Variants in MAGT1 observed in about 807,000 individuals in gnomAD.
The protein encoded by MAGT1 is magnesium transporter 1.
Under a neutral mutation model 28.4 loss-of-function variants are expected in MAGT1, and 4 were observed. The ratio of observed to expected loss-of-function variants is 0.14; its 90% confidence interval spans 0.07 to 0.32. The LOEUF (loss-of-function observed/expected upper bound fraction) is 0.32, where lower values mean the gene tolerates loss of function less well. Ranked by LOEUF, MAGT1 falls within the 10% of genes least tolerant of loss-of-function variation. The probability of loss-of-function intolerance (pLI) is 1.00; values close to 1 mark genes in which losing one functional copy is unlikely to be tolerated. For synonymous variants in MAGT1, 89 were observed against 89.7 expected, an observed-to-expected ratio of 0.99 and a Z score of 0.04; for missense variants, 193 against 264.5, an observed-to-expected ratio of 0.73 and a Z score of 1.88.
rs1307085137 is a variant in MAGT1, at chrX:77,865,983, CCT to C, written c.390+4823_390+4824del. On this transcript the variant is annotated intron_variant, in intron 3 of 9. Coordinates refer to ENST00000618282, the MANE Select transcript of MAGT1 (RefSeq NM_001367916.1). ...CCAGCCTGGCCAACATGGCGAAACCCCTGTCTCTACTAAAAATTAAAAAAAAT... is the reference window on the plus strand; with the variant it reads ...CCAGCCTGGCCAACATGGCGAAACCCGTCTCTACTAAAAATTAAAAAAAAT... Among the ~76,000 whole-genome samples, 8 of 65,197 alleles carry C rather than the reference CCT, an allele frequency of 1.2e-4. 3 individuals carry two copies. Among genetic ancestry groups the C allele is most frequent in the East Asian group, 4.8e-4 (1 of 2,080 alleles). 56.6% of individuals were successfully genotyped at this position (65,197 alleles called of 115,157 possible).
At chrX:77,849,964 C>T (rs1162554232) in intron 7 of MAGT1, among the ~76,000 whole-genome samples, 2 of 107,217 alleles carry the variant, frequency 1.9e-5, no homozygotes, top group Non-Finnish European at 3.8e-5. Context: ...ATAACTGCAA[C>T]ACTTAAAATG....
At position 77,825,885 on chromosome X, in the gene MAGT1, T is replaced by C. The variant is rs1557212877; in HGVS notation, c.*3335A>G. On this transcript the variant is annotated 3_prime_UTR_variant, in exon 10 of 10. Transcript: ENST00000618282. ...GAGGTTCAGGTGACACCTATGGTCA[T>C]ATAGTTAGACAGAAACAGAGCAAGG... 4.4e-5 allele frequency among the ~76,000 whole-genome samples: 5 copies of C among 113,020 alleles called. No homozygotes were observed. The highest frequency in any genetic ancestry group is 9.4e-5 in the Non-Finnish European group (5 of 53,411).
intron 8 of MAGT1, chrX:77,837,275 TTAAAAACTATAAAA>T (rs2076921571): frequency 9.0e-6 from 1 of 111,310 alleles, no homozygotes; most frequent in South Asian, 3.8e-4. Flanking sequence ...ACTGACTGGA[TTAAAAACTATAAAA>T]TGCTTACTTT....
At position 77,895,404 on chromosome X, in the gene MAGT1, C is replaced by T. The variant is rs782735241; in HGVS notation, c.7G>A (p.Ala3Thr). MAARWRFWCVSVT... is the reference protein window; with the variant it reads MATRWRFWCVSVT... ...GAGACACACCAAAACCGCCAACGCG[C>T]TGCCATGTTCGCTCCTCTCCCTTCT... The change falls in exon 1 of 10, where the codon GCG becomes ACG. Residue 3 changes from alanine to threonine, a missense_variant. Ala to Thr is a moderately conservative substitution (Grantham distance 58, BLOSUM62 0). Coordinates refer to ENST00000618282, the MANE Select transcript of MAGT1 (RefSeq NM_001367916.1). 8.3e-7 allele frequency: 1 copy of T among 1,210,321 alleles called. No homozygotes were observed. The highest frequency in any genetic ancestry group is 1.7e-5 in the African/African-American group (1 of 57,470).
At chrX:77,880,390 G>A (rs929854808) in intron 1 of MAGT1, among the ~76,000 whole-genome samples, 1 of 108,394 alleles carries the variant, frequency 9.2e-6, no homozygotes, top group Admixed American at 1.0e-4. Context: ...TAAGCTGGGC[G>A]TGATGGCGGG....
chrX:77,894,354 T>C (rs1468623778), intron 1 of MAGT1, among the ~76,000 whole-genome samples: 2 of 112,228 alleles, frequency 1.8e-5, no homozygotes, highest in Admixed American at 1.9e-4. Flanking sequence ...CTTAGAAACA[T>C]AGAGAAGATA....
chrX:77,853,458 C>T (rs1304837732), intron 7 of MAGT1, among the ~76,000 whole-genome samples: 2 of 111,869 alleles, frequency 1.8e-5, no homozygotes, highest in African/African-American at 3.2e-5. Context: ...ACAAAAATCC[C>T]ACATTTATGT....
At position 77,829,251 on chromosome X, in the gene MAGT1, A is replaced by G. The variant is rs1557213159; in HGVS notation, c.993-16T>C. 5 of 1,165,035 alleles carry G rather than the reference A, an allele frequency of 4.3e-6. No homozygotes were observed. In the South Asian group the frequency reaches 9.0e-5, roughly 21 times the overall value. ...CATCAGAAAGCTGAAACAAAAATAT[A>G]TTCCAATCTATTAGTCTCTGAAAGA... On this transcript the variant is annotated splice_polypyrimidine_tract_variant and intron_variant, in intron 9 of 9. Transcript: ENST00000618282.
At position 77,895,407 on chromosome X, in the gene MAGT1, C is replaced by A. The variant is rs2077095857; in HGVS notation, c.4G>T (p.Ala2Ser). 8.3e-7 allele frequency: 1 copy of A among 1,211,570 alleles called. No homozygotes were observed. Among genetic ancestry groups the A allele is most frequent in the African/African-American group, 1.7e-5 (1 of 57,913 alleles). ...ACACACCAAAACCGCCAACGCGCTGCCATGTTCGCTCCTCTCCCTTCTATA... is the reference window on the plus strand; with the variant it reads ...ACACACCAAAACCGCCAACGCGCTGACATGTTCGCTCCTCTCCCTTCTATA... M[A>S]ARWRFWCVSV... Residue 2 changes from alanine (A) to serine (S), a missense_variant, in exon 1 of 10, where the codon GCA (alanine) becomes TCA (serine). Ala to Ser is a moderately conservative substitution (Grantham distance 99). Coordinates refer to ENST00000618282, the MANE Select transcript of MAGT1 (RefSeq NM_001367916.1).
At chrX:77,895,227 A>C in intron 1 of MAGT1, 82 bp downstream of exon 1, 1 of 1,060,213 alleles carries the variant, frequency 9.4e-7, no homozygotes, top group Non-Finnish European at 1.3e-6. Context: ...CGGCAGGGAA[A>C]GGGGGCTGGG....
At position 77,895,374 on chromosome X, in the gene MAGT1, T is replaced by G; in HGVS notation, c.37A>C (p.Thr13Pro). The G allele has an allele frequency of 8.2e-7, 1 of 1,212,144 alleles. No individual in the cohort carries two copies. The highest frequency in any genetic ancestry group is 1.1e-6 in the Non-Finnish European group (1 of 895,588). ...ACGATGAGCAGCGCCACCACCATGG[T>G]CACAGAGACACACCAAAACCGCCAA... The part of the protein sequence containing the change: ...ARWRFWCVSV[T>P]MVVALLIVCD... The change falls in exon 1 of 10, where the codon ACC becomes CCC. Residue 13 changes from threonine (T) to proline (P), a missense_variant. By Grantham distance (38) the Thr-to-Pro change is conservative (BLOSUM62 -1). Coordinates refer to ENST00000618282, the MANE Select transcript of MAGT1 (RefSeq NM_001367916.1).
chrX:77,874,689 G>A (rs1457986186), intron 2 of MAGT1, among the ~76,000 whole-genome samples: 1 of 109,913 alleles, frequency 9.1e-6, no homozygotes, highest in East Asian at 2.8e-4. Flanking sequence ...TAAGCATTGG[G>A]TAGACCAGTT....
At chrX:77,890,254 A>G (rs1190685483) in intron 1 of MAGT1, among the ~76,000 whole-genome samples, 1 of 112,350 alleles carries the variant, frequency 8.9e-6, no homozygotes, top group Non-Finnish European at 1.9e-5. Flanking sequence ...AAGTAGAACA[A>G]AACAAATTCT....
intron 1 of MAGT1, among the ~76,000 whole-genome samples, chrX:77,879,876 A>G (rs1267201899): frequency 1.1e-5 from 1 of 87,107 alleles, no homozygotes; most frequent in African/African-American, 4.6e-5. Context: ...TCACTCTGTC[A>G]TGCCCAGGCT....
chrX:77,841,129 A>C (rs782732066), intron 8 of MAGT1, 117 bp downstream of exon 8: 1 of 512,121 alleles, frequency 2.0e-6, no homozygotes, highest in Non-Finnish European at 3.3e-6. Flanking sequence ...TAAAGAAAAA[A>C]ATAGTAAAGG....
intron 1 of MAGT1, among the ~76,000 whole-genome samples, chrX:77,882,024 T>C (rs782567496): frequency 8.9e-6 from 1 of 112,159 alleles, no homozygotes; most frequent in East Asian, 2.8e-4. Context: ...ATCCAGCATA[T>C]AAACAGAACC....
intron 1 of MAGT1, among the ~76,000 whole-genome samples, chrX:77,878,658 G>A (rs781961209): frequency 5.7e-4 from 60 of 105,183 alleles, no homozygotes; most frequent in African/African-American, 2.0e-3. Context: ...GTGTGTTGGC[G>A]GGTGCCTGTA....
At chrX:77,830,483 CACACGCCTG>C (rs1420573391) in intron 9 of MAGT1, among the ~76,000 whole-genome samples, 15 of 110,862 alleles carry the variant, frequency 1.4e-4, no homozygotes. Flanking sequence ...GGCATGCTGG[CACACGCCTG>C]TAATCGCAAC....
At chrX:77,862,893 A>G (rs1192103050) in intron 3 of MAGT1, among the ~76,000 whole-genome samples, 1 of 111,711 alleles carries the variant, frequency 9.0e-6, no homozygotes, top group East Asian at 2.8e-4. Context: ...ACGGCCAGGC[A>G]CGGTGGCTCA....
Sources: gnomAD v4.1 joint callset for allele counts (sites outside exome capture counted in the v4.1 genomes callset) on GRCh38, gnomAD v4.1.1 for gene constraint, MANE v1.5 for transcripts, NCBI Gene and HGNC (gene_info 2026-07-23, HGNC 2026-07-21) for gene names.